Variants in MFSD1 observed in about 807,000 individuals in gnomAD.
MFSD1 encodes the protein lysosomal dipeptide transporter MFSD1.
In MFSD1, 59 loss-of-function variants were observed where a neutral mutation model predicts 67.1. The observed-to-expected ratio is 0.88, with a 90% CI of 0.71 to 1.09. The LOEUF is 1.09. Ranked by LOEUF, MFSD1 falls within the 50% of genes least tolerant of loss-of-function variation. The pLI, the probability that MFSD1 is intolerant of heterozygous loss-of-function variation, is 0.00. For synonymous variants in MFSD1, 213 were observed against 200.3 expected, an observed-to-expected ratio of 1.06 and a Z score of -0.54; for missense variants, 552 against 566.1, an observed-to-expected ratio of 0.97 and a Z score of 0.25.
At chr3:158,816,211 T>A (rs1730332988) in intron 7 of MFSD1, among the ~76,000 whole-genome samples, 1 of 152,152 alleles carries the variant, frequency 6.6e-6, no homozygotes, top group African/African-American at 2.4e-5. Context: ...TAGTTCTAGA[T>A]CCCTGAGGAA....
chr3:158,806,792 T>G (rs1023184675), intron 3 of MFSD1, among the ~76,000 whole-genome samples: 4 of 152,176 alleles, frequency 2.6e-5, no homozygotes, highest in African/African-American at 9.7e-5. Flanking sequence ...ATGCCATTGC[T>G]AAAGCCTCCG....
intron 7 of MFSD1, among the ~76,000 whole-genome samples, chr3:158,817,687 T>C (rs555485070): frequency 7.3e-4 from 111 of 152,288 alleles, no homozygotes; most frequent in Middle Eastern, 3.4e-3. Flanking sequence ...AGGTAGTTTA[T>C]AGATTCAATG....
At chr3:158,826,978 ATTTTCACT>A in intron 14 of MFSD1, among the ~76,000 whole-genome samples, 1 of 152,144 alleles carries the variant, frequency 6.6e-6, no homozygotes, top group East Asian at 1.9e-4. Flanking sequence ...ATTTCTCTTA[ATTTTCACT>A]ATTATTGAAT....
In MFSD1 at chr3:158,802,121, C is replaced by G; in HGVS notation, c.-32C>G. ...TTCCTGCCTGGGTTTGGAGTTGTCA[C>G]CACTTTCCCCTCTCCGTCTCCTGCG... is the stretch of plus-strand genomic sequence containing the variant. On this transcript the variant is annotated 5_prime_UTR_variant, in exon 1 of 16. Transcript: ENST00000415822. 6.2e-7 allele frequency: 1 copy of G among 1,609,290 alleles called. No homozygotes were observed. The highest frequency in any genetic ancestry group is 8.5e-7 in the Non-Finnish European group (1 of 1,178,904).
At chr3:158,809,148 T>G in intron 5 of MFSD1, 31 bp from the exon 6 acceptor site, 1 of 1,480,316 alleles carries the variant, frequency 6.8e-7, no homozygotes, top group South Asian at 1.2e-5. Context: ...AAGTTGTGAC[T>G]TCTGGTTTTT....
chr3:158,817,012 C>A (rs1265459393), intron 7 of MFSD1, among the ~76,000 whole-genome samples: 3 of 152,124 alleles, frequency 2.0e-5, no homozygotes, highest in Non-Finnish European at 4.4e-5. Flanking sequence ...TGATCTATAT[C>A]TCTGTTTTGG....
In MFSD1 at chr3:158,825,947, T is replaced by C. The variant is rs1730943298; in HGVS notation, c.1289-68T>C. On this transcript the variant is annotated intron_variant, in intron 13 of 15. Transcript: ENST00000415822. ...ATTGTGTCTAAGCTTTGCTTTGTGA[T>C]TATGATTACATAGGAATCATTGAGA... 4.1e-6 allele frequency: 5 copies of C among 1,231,536 alleles called. No individual in the cohort carries two copies. In the Admixed American group the frequency reaches 8.5e-5, roughly 21 times the overall value. 76.3% of individuals were successfully genotyped at this position (1,231,536 alleles called of 1,614,324 possible). A position where few individuals can be genotyped will look rare whatever the true frequency, so the allele number is the denominator to read the frequency against.
intron 6 of MFSD1, among the ~76,000 whole-genome samples, chr3:158,811,235 GT>G (rs1730000426): frequency 6.6e-6 from 1 of 152,238 alleles, no homozygotes; most frequent in Non-Finnish European, 1.5e-5. Context: ...TGTGAGCGCT[GT>G]AACCTAGCTC....
chr3:158,819,407 C>T (rs555849808), intron 7 of MFSD1: 4 of 331,810 alleles, frequency 1.2e-5, no homozygotes, highest in East Asian at 9.7e-5. Flanking sequence ...TAGTCTTTTC[C>T]TTTTAATCTT....
intron 7 of MFSD1, among the ~76,000 whole-genome samples, chr3:158,814,576 C>T (rs1177295155): frequency 6.6e-6 from 1 of 152,126 alleles, no homozygotes; most frequent in East Asian, 1.9e-4. Flanking sequence ...TCACTTCTGC[C>T]TCCCAGAGTG....
At position 158,804,142 on chromosome 3, in the gene MFSD1, A is replaced by G. The variant is rs1470494198; in HGVS notation, c.164-177A>G. 9.3e-6 allele frequency: 5 copies of G among 538,848 alleles called. 1 individual carries two copies. The Admixed American group carries it at 1.5e-4, about 16-fold the overall frequency. The allele number at this position is 538,848 out of a possible 1,614,324, so 33.4% of individuals were successfully genotyped here. ...TGCTGTGTATGAACACTACCAATTT[A>G]TGGAAGTTATTTGATATAACTTAGA... is the stretch of plus-strand genomic sequence containing the variant. On this transcript the variant is annotated intron_variant, in intron 1 of 15. Coordinates refer to ENST00000415822, the MANE Select transcript of MFSD1 (RefSeq NM_022736.4).
chr3:158,803,807 T>C (rs1344585768), intron 1 of MFSD1, among the ~76,000 whole-genome samples: 1 of 152,212 alleles, frequency 6.6e-6, no homozygotes, highest in Non-Finnish European at 1.5e-5. Context: ...CATTTTTTTT[T>C]CACTCCTGGC....
chr3:158,813,884 C>T, intron 6 of MFSD1, 81 bp from the exon 7 acceptor site: 1 of 879,760 alleles, frequency 1.1e-6, no homozygotes, highest in Non-Finnish European at 1.7e-6. Context: ...ACTTCTGAGC[C>T]ACCTCAAATC....
chr3:158,828,377 TG>T (rs1317513152), intron 15 of MFSD1, among the ~76,000 whole-genome samples: 1 of 152,074 alleles, frequency 6.6e-6, no homozygotes, highest in Non-Finnish European at 1.5e-5. Context: ...TTTTTTGAGA[TG>T]GGGGTGGTTT....
Position 158,816,986 on chromosome 3 carries a change from C to T in MFSD1, c.653-2663C>T, listed in dbSNP as rs568907743. Among the ~76,000 whole-genome samples the T allele has an allele frequency of 5.6e-4, 85 of 152,196 alleles. 1 individual carries two copies. The South Asian group carries it at 0.017, about 31-fold the overall frequency. ...AGATATGCTGCATTATTTCTGAGGG[C>T]TCTATTCTGTTCCATTGATCTATAT... On this transcript the variant is annotated intron_variant, in intron 7 of 15. Coordinates refer to ENST00000415822, the MANE Select transcript of MFSD1 (RefSeq NM_022736.4).
Position 158,827,286 on chromosome 3 carries a change from AC to A in MFSD1, c.1345del (p.Leu449Ter). On this transcript the variant is annotated frameshift_variant, in exon 15 of 16. Coordinates refer to ENST00000415822, the MANE Select transcript of MFSD1 (RefSeq NM_022736.4). LOFTEE classifies it high-confidence loss of function. Reference sequence around the variant, plus strand: ...ATGTTTATTTGTGTTTTAGGTGGGAACCTAAATTATTCTGCAAGACAAAGGG... The same window carrying A: ...ATGTTTATTTGTGTTTTAGGTGGGAACTAAATTATTCTGCAAGACAAAGGG... ...LYLVNRAQGG[N>X]LNYSARQREE... is the part of the protein sequence containing the mutation. 6.4e-7 allele frequency: 1 copy of A among 1,553,270 alleles called. No individual in the cohort carries two copies. The highest frequency in any genetic ancestry group is 8.7e-7 in the Non-Finnish European group (1 of 1,150,610).
At chr3:158,814,853 T>C (rs1730234748) in intron 7 of MFSD1, among the ~76,000 whole-genome samples, 1 of 151,866 alleles carries the variant, frequency 6.6e-6, no homozygotes, top group Non-Finnish European at 1.5e-5. Flanking sequence ...GAGGCCGAGG[T>C]GGGTGGATCA....
intron 7 of MFSD1, among the ~76,000 whole-genome samples, chr3:158,815,102 A>G (rs1413312031): frequency 1.3e-5 from 2 of 152,174 alleles, no homozygotes; most frequent in Non-Finnish European, 2.9e-5. Flanking sequence ...AAACAAAAAA[A>G]CAACCAACCA....
rs1250656791 is a variant in MFSD1, at chr3:158,829,580, A to T, written c.*598A>T. The T allele has an allele frequency of 3.3e-5, 5 of 152,154 alleles. No homozygotes were observed. The highest frequency in any genetic ancestry group is 2.1e-4 in the South Asian group (1 of 4,832). 9.4% of individuals were successfully genotyped at this position (152,154 alleles called of 1,614,324 possible). On this transcript the variant is annotated 3_prime_UTR_variant, in exon 16 of 16. Coordinates refer to ENST00000415822, the MANE Select transcript of MFSD1 (RefSeq NM_022736.4). ...ATTTCTTATTTCTGTGTTACTGAGG[A>T]CCCTAATCACTTAGGGATGTAATTT...
Sources: gnomAD v4.1 joint callset for allele counts (sites outside exome capture counted in the v4.1 genomes callset) on GRCh38, gnomAD v4.1.1 for gene constraint, MANE v1.5 for transcripts, NCBI Gene and HGNC (gene_info 2026-07-23, HGNC 2026-07-21) for gene names.